The following GRIN2A variants were observed in gnomAD, a reference collection of about 807,000 sequenced individuals.
The protein encoded by GRIN2A is glutamate ionotropic receptor NMDA type subunit 2A, also known as glutamate receptor ionotropic, NMDA 2A.
Under a neutral mutation model 113.4 loss-of-function variants are expected in GRIN2A, and 22 were observed. The ratio of observed to expected loss-of-function variants is 0.19; its 90% CI spans 0.14 to 0.28. The LOEUF (loss-of-function observed/expected upper bound fraction) is 0.28. GRIN2A is among the 10% of genes least tolerant of loss of function. GRIN2A has a pLI of 1.00. For missense variants in GRIN2A, 1,502 were observed against 1,887.0 expected (o/e 0.80, Z 3.78); for synonymous variants, 827 against 738.4 (o/e 1.12, Z -1.94).
At position 9,786,563 on chromosome 16, in the gene GRIN2A, G is replaced by T. The variant is rs1567296039; in HGVS notation, c.2356+11714C>A. Among the ~76,000 whole-genome samples the T allele has an allele frequency of 2.0e-5, 3 of 152,278 alleles. No individual in the cohort carries two copies. In the East Asian group the frequency reaches 5.8e-4, roughly 29 times the overall value. The stretch of plus-strand genomic sequence containing the variant: ...AAAAGAGGAAGGAGCACTGACTCTG[G>T]GGTGTGACCTACCTGTGTTTAAATC... On this transcript the variant is annotated intron_variant, in intron 11 of 12. Transcript: ENST00000330684.
At chr16:9,881,267 C>T (rs181717060) in intron 4 of GRIN2A, among the ~76,000 whole-genome samples, 1 of 152,314 alleles carries the variant, frequency 6.6e-6, no homozygotes, top group Admixed American at 6.5e-5. Context: ...TCCTTCTTTC[C>T]TTTTCCTCTG....
In GRIN2A at chr16:9,756,385, C is replaced by A; in HGVS notation, c.*6764G>T. 4.3e-6 allele frequency: 1 copy of A among 230,748 alleles called. No individual in the cohort carries two copies. The highest frequency in any genetic ancestry group is 6.1e-5 in the East Asian group (1 of 16,342). 14.3% of individuals were successfully genotyped at this position (230,748 alleles called of 1,614,324 possible). On this transcript the variant is annotated 3_prime_UTR_variant, in exon 13 of 13. Coordinates refer to ENST00000330684, the MANE Select transcript of GRIN2A (RefSeq NM_001134407.3). ...AGAGGTGAGATCCCCAGAAGTTCTC[C>A]ATACACACAGATCAGGCAATGAGGG... is the stretch of plus-strand genomic sequence containing the variant.
chr16:9,825,851 A>AG (rs2042378509), intron 9 of GRIN2A, among the ~76,000 whole-genome samples: 1 of 152,120 alleles, frequency 6.6e-6, no homozygotes, highest in African/African-American at 2.4e-5. Context: ...ATCCACTGAG[A>AG]GCAGTTGCCT....
At chr16:9,946,354 T>C (rs138807312) in intron 2 of GRIN2A, among the ~76,000 whole-genome samples, 4 of 152,304 alleles carry the variant, frequency 2.6e-5, no homozygotes, top group Non-Finnish European at 5.9e-5. Context: ...AGGGAAATCC[T>C]ACTGGACCAG....
At chr16:10,134,770 C>G (rs1002198810) in intron 2 of GRIN2A, among the ~76,000 whole-genome samples, 6 of 152,108 alleles carry the variant, frequency 3.9e-5, no homozygotes, top group African/African-American at 1.4e-4. Context: ...TGGGGATTCA[C>G]TCCATCAGAC....
intron 2 of GRIN2A, among the ~76,000 whole-genome samples, chr16:9,975,505 G>A (rs1027952362): frequency 1.8e-4 from 28 of 152,194 alleles, no homozygotes; most frequent in African/African-American, 6.5e-4. Flanking sequence ...GCAAAGACCA[G>A]CCTGCCATCC....
chr16:10,044,528 G>A (rs2047226229), intron 2 of GRIN2A, among the ~76,000 whole-genome samples: 1 of 151,152 alleles, frequency 6.6e-6, no homozygotes, highest in African/African-American at 2.4e-5. Flanking sequence ...TCTTCATCTA[G>A]GCTGTCATTG....
intron 3 of GRIN2A, among the ~76,000 whole-genome samples, chr16:9,922,101 A>C (rs900253050): frequency 1.3e-5 from 2 of 152,214 alleles, no homozygotes; most frequent in Non-Finnish European, 2.9e-5. Context: ...TTGCCGTCTA[A>C]TCTTTCTTAA....
At chr16:9,915,206 G>T (rs1376241977) in intron 3 of GRIN2A, among the ~76,000 whole-genome samples, 1 of 151,728 alleles carries the variant, frequency 6.6e-6, no homozygotes, top group Non-Finnish European at 1.5e-5. Flanking sequence ...AAAGTGCTGG[G>T]ATTACAGGCG....
At chr16:9,985,038 G>A (rs1329642672) in intron 2 of GRIN2A, among the ~76,000 whole-genome samples, 1 of 151,946 alleles carries the variant, frequency 6.6e-6, no homozygotes, top group Non-Finnish European at 1.5e-5. Context: ...ATGCATGCAT[G>A]CGTGCACACA....
chr16:9,806,871 A>C (rs1183009868), intron 10 of GRIN2A, among the ~76,000 whole-genome samples: 1 of 152,052 alleles, frequency 6.6e-6, no homozygotes, highest in Non-Finnish European at 1.5e-5. Flanking sequence ...TCTCATCTTG[A>C]ATTGTAGCTC....
chr16:10,148,699 G>A (rs975981004), intron 2 of GRIN2A, among the ~76,000 whole-genome samples: 3 of 152,134 alleles, frequency 2.0e-5, no homozygotes, highest in Non-Finnish European at 2.9e-5. Context: ...GCTAACATAT[G>A]ACCCAGCAAT....
rs1900296710 is a variant in GRIN2A at position 9,754,976 on chromosome 16, G to A, written c.*8173C>T. 1 of 208,352 alleles carries A rather than the reference G, an allele frequency of 4.8e-6. No homozygotes were observed. The highest frequency in any genetic ancestry group is 2.3e-5 in the African/African-American group (1 of 44,032). The allele number at this position is 208,352 out of a possible 1,614,324, so 12.9% of individuals were successfully genotyped here. A position where few individuals can be genotyped will look rare whatever the true frequency, so the allele number is the denominator to read the frequency against. The stretch of plus-strand genomic sequence containing the variant: ...CTCATTAATTTGAAAGGCAGCTGTG[G>A]TATTGGCTATGAGTTATGTTAATAT... On this transcript the variant is annotated 3_prime_UTR_variant, in exon 13 of 13. Transcript: ENST00000330684.
chr16:10,028,298 G>A (rs553276892), intron 2 of GRIN2A, among the ~76,000 whole-genome samples: 123 of 152,334 alleles, frequency 8.1e-4, no homozygotes, highest in African/African-American at 2.7e-3. Context: ...TCAAATGCAG[G>A]TATCTGGCAT....
At chr16:10,090,951 A>G (rs1029502316) in intron 2 of GRIN2A, among the ~76,000 whole-genome samples, 1 of 152,200 alleles carries the variant, frequency 6.6e-6, no homozygotes, top group East Asian at 1.9e-4. Flanking sequence ...GTTAAACATC[A>G]TTAGTCATTA....
chr16:9,915,775 T>C (rs980268464), intron 3 of GRIN2A, among the ~76,000 whole-genome samples: 4 of 152,222 alleles, frequency 2.6e-5, no homozygotes, highest in African/African-American at 9.6e-5. Flanking sequence ...AAACTAGTTG[T>C]TATTTCACCT....
At chr16:9,981,975 C>T (rs141662030) in intron 2 of GRIN2A, among the ~76,000 whole-genome samples, 4,010 of 151,942 alleles carry the variant, frequency 0.026, 80 homozygotes, top group Non-Finnish European at 0.042. Flanking sequence ...TTAGTAGAGA[C>T]GGGGGTTTCG....
At chr16:9,779,130 C>G (rs530842103) in intron 11 of GRIN2A, among the ~76,000 whole-genome samples, 18 of 152,256 alleles carry the variant, frequency 1.2e-4, no homozygotes, top group African/African-American at 4.1e-4. Context: ...CAGGCAAATG[C>G]CTGAATGATC....
chr16:9,971,476 C>G (rs28402995), intron 2 of GRIN2A, among the ~76,000 whole-genome samples: 72,760 of 152,080 alleles, frequency 0.48, 17,638 homozygotes, highest in South Asian at 0.54. Flanking sequence ...TTATTACATG[C>G]AGCAGAAAAA....
Sources: allele counts gnomAD v4.1 joint callset (sites outside exome capture counted in the v4.1 genomes callset), GRCh38; gene constraint gnomAD v4.1.1; transcripts MANE v1.5; gene names NCBI Gene and HGNC (gene_info 2026-07-23, HGNC 2026-07-21).